CNTNAP5: variants seen among roughly 807,000 people sequenced by gnomAD.
CNTNAP5 encodes contactin associated protein family member 5.
In CNTNAP5, 72 loss-of-function variants were observed where a neutral mutation model predicts 150.2. The observed-to-expected ratio is 0.48, with a 90% CI of 0.40 to 0.58. The LOEUF (loss-of-function observed/expected upper bound fraction) is 0.58. CNTNAP5 is among the 20% of genes least tolerant of loss of function. The pLI is 0.00. For synonymous variants in CNTNAP5, 672 were observed against 619.8 expected, an observed-to-expected ratio of 1.08 and a Z score of -1.25; for missense variants, 1,636 against 1,626.2, an observed-to-expected ratio of 1.01 and a Z score of -0.10.
intron 1 of CNTNAP5, among the ~76,000 whole-genome samples, chr2:124,210,394 A>C (rs1685975766): frequency 6.6e-6 from 1 of 152,202 alleles, no homozygotes; most frequent in South Asian, 2.1e-4. Flanking sequence ...AGGATAACAA[A>C]ATAGATTGTC....
intron 6 of CNTNAP5, among the ~76,000 whole-genome samples, chr2:124,466,788 C>G (rs969385459): frequency 3.9e-5 from 6 of 152,120 alleles, no homozygotes; most frequent in African/African-American, 1.4e-4. Context: ...ATACTGAAGG[C>G]CCTGGGCCAT....
At chr2:124,713,708 T>C (rs1183809839) in intron 13 of CNTNAP5, among the ~76,000 whole-genome samples, 1 of 151,902 alleles carries the variant, frequency 6.6e-6, no homozygotes. Context: ...CCTTGCTCCT[T>C]TTCTCACCTC....
At chr2:124,634,951 C>A (rs1272762929) in intron 12 of CNTNAP5, among the ~76,000 whole-genome samples, 3 of 152,212 alleles carry the variant, frequency 2.0e-5, no homozygotes, top group African/African-American at 7.2e-5. Flanking sequence ...GCCCTTCAAA[C>A]TGTTGCAATA....
chr2:124,460,186 A>G (rs1179931915), intron 6 of CNTNAP5, among the ~76,000 whole-genome samples: 2 of 152,224 alleles, frequency 1.3e-5, no homozygotes, highest in African/African-American at 2.4e-5. Context: ...ATTAAAGCAC[A>G]TATAGGCATA....
At position 124,527,226 on chromosome 2, in the gene CNTNAP5, G is replaced by A. The variant is rs149728848; in HGVS notation, c.1478-59G>A. The A allele has an allele frequency of 6.5e-4, 976 of 1,499,832 alleles. 5 individuals are homozygous for A. In the African/African-American group the frequency reaches 0.012, roughly 19 times the overall value. 92.9% of individuals were successfully genotyped at this position (1,499,832 alleles called of 1,614,324 possible). A position where few individuals can be genotyped will look rare whatever the true frequency, so the allele number is the denominator to read the frequency against. Reference sequence around the variant, plus strand: ...CCTCAAGGTCTTCCATCAATAGGTCGCCAAAGCAATGACGGATCATTTCAG... The same window carrying A: ...CCTCAAGGTCTTCCATCAATAGGTCACCAAAGCAATGACGGATCATTTCAG... On this transcript the variant is annotated intron_variant, in intron 9 of 23. Transcript: ENST00000682447.
At chr2:124,714,902 C>T (rs973870202) in intron 13 of CNTNAP5, among the ~76,000 whole-genome samples, 24 of 152,080 alleles carry the variant, frequency 1.6e-4, no homozygotes, top group Non-Finnish European at 2.5e-4. Flanking sequence ...ATGTTTTTGA[C>T]TTGTAGAAAA....
At chr2:124,685,795 C>T (rs747200088) in intron 13 of CNTNAP5, among the ~76,000 whole-genome samples, 2 of 151,074 alleles carry the variant, frequency 1.3e-5, no homozygotes, top group Non-Finnish European at 2.9e-5. Context: ...CCTGTGATAG[C>T]GAGGGAATGA....
In CNTNAP5 at chr2:124,378,570, CCCGTACTTCTT is replaced by C. The variant is rs537789126; in HGVS notation, c.382-38871_382-38861del. On this transcript the variant is annotated intron_variant, in intron 3 of 23. Coordinates refer to ENST00000682447, the MANE Select transcript of CNTNAP5 (RefSeq NM_001367498.1). ...CTTAAAATTACATTGTATGGTCTTA[CCCGTACTTCTT>C]CAACAAAAGTCCTTGACTTCTGTAC... is the stretch of plus-strand genomic sequence containing the variant. 2.1e-3 allele frequency among the ~76,000 whole-genome samples: 320 copies of C among 152,082 alleles called. 2 individuals are homozygous for C. Among genetic ancestry groups the C allele is most frequent in the African/African-American group, 7.3e-3 (304 of 41,478 alleles).
Position 124,896,593 on chromosome 2 carries a change from C to T in CNTNAP5, c.3437-6289C>T, listed in dbSNP as rs561284600. Among the ~76,000 whole-genome samples the T allele has an allele frequency of 2.0e-5, 3 of 151,394 alleles. No homozygotes were observed. The East Asian group carries it at 5.8e-4, about 29-fold the overall frequency. On this transcript the variant is annotated intron_variant, in intron 21 of 23. Coordinates refer to ENST00000682447, the MANE Select transcript of CNTNAP5 (RefSeq NM_001367498.1). ...TGCTCTTGTCACCCAGGCTGGAGTG[C>T]AGTGGCCCAATCTCAGCTCACTGAA...
intron 13 of CNTNAP5, among the ~76,000 whole-genome samples, chr2:124,719,266 C>A (rs370045961): frequency 1.3e-5 from 2 of 152,222 alleles, no homozygotes; most frequent in Admixed American, 6.5e-5. Flanking sequence ...TCACCTCCTA[C>A]AACGACCAGC....
chr2:124,796,692 G>A (rs1681853241), intron 18 of CNTNAP5, among the ~76,000 whole-genome samples: 1 of 152,190 alleles, frequency 6.6e-6, no homozygotes, highest in African/African-American at 2.4e-5. Flanking sequence ...AAAAAGCCAG[G>A]TATTATTATA....
At chr2:124,479,077 A>C (rs188229460) in intron 7 of CNTNAP5, among the ~76,000 whole-genome samples, 7 of 152,322 alleles carry the variant, frequency 4.6e-5, no homozygotes, top group Middle Eastern at 3.4e-3. Flanking sequence ...CCACATCCCG[A>C]AATGCAGTAA....
chr2:124,515,497 T>G (rs548320103), intron 8 of CNTNAP5, among the ~76,000 whole-genome samples: 1 of 151,386 alleles, frequency 6.6e-6, no homozygotes, highest in East Asian at 1.9e-4. Flanking sequence ...CCTGCTTCAT[T>G]CGTTTCCTGA....
chr2:124,684,378 A>C (rs1679146793), intron 13 of CNTNAP5, among the ~76,000 whole-genome samples: 1 of 152,174 alleles, frequency 6.6e-6, no homozygotes. Flanking sequence ...GCTTATATCT[A>C]CCAACCATTT....
At chr2:124,865,552 T>A (rs1385233408) in intron 20 of CNTNAP5, 116 bp downstream of exon 20, 1 of 948,662 alleles carries the variant, frequency 1.1e-6, no homozygotes, top group Non-Finnish European at 1.6e-6. Flanking sequence ...TAGTTACAAA[T>A]CACACTTGCC....
chr2:124,631,263 C>A (rs1677854298), intron 12 of CNTNAP5, among the ~76,000 whole-genome samples: 1 of 151,968 alleles, frequency 6.6e-6, no homozygotes, highest in Admixed American at 6.6e-5. Flanking sequence ...GCTCGCATAG[C>A]CAAGACAATC....
intron 19 of CNTNAP5, among the ~76,000 whole-genome samples, chr2:124,865,034 A>T (rs1327195430): frequency 6.6e-6 from 1 of 151,740 alleles, no homozygotes; most frequent in Non-Finnish European, 1.5e-5. Context: ...TACAAAATAG[A>T]TGTTTTATTT....
intron 19 of CNTNAP5, among the ~76,000 whole-genome samples, chr2:124,829,719 T>A (rs888790184): frequency 1.3e-5 from 2 of 151,972 alleles, no homozygotes; most frequent in African/African-American, 4.8e-5. Flanking sequence ...ATGAAAAAAT[T>A]TGACCTAGAG....
At chr2:124,784,454 A>G (rs1681522360) in intron 17 of CNTNAP5, among the ~76,000 whole-genome samples, 1 of 152,190 alleles carries the variant, frequency 6.6e-6, no homozygotes. Flanking sequence ...AGTTTTTAAG[A>G]GTTGATTCAT....
Sources: allele counts gnomAD v4.1 joint callset (sites outside exome capture counted in the v4.1 genomes callset), GRCh38; gene constraint gnomAD v4.1.1; transcripts MANE v1.5; gene names NCBI Gene and HGNC (gene_info 2026-07-23, HGNC 2026-07-21).